The following RIC8B variants were observed in gnomAD, a reference collection of about 807,000 sequenced individuals.
RIC8B encodes RIC8 guanine nucleotide exchange factor B.
RIC8B carries 16 observed loss-of-function variants against 57.5 expected under a neutral mutation model. The ratio of observed to expected loss-of-function variants is 0.28; its 90% CI spans 0.19 to 0.42. The LOEUF (loss-of-function observed/expected upper bound fraction) is 0.42. Ranked by LOEUF, RIC8B falls within the 10% of genes least tolerant of loss-of-function variation. RIC8B has a pLI of 1.00. For synonymous variants in RIC8B, 216 were observed against 250.8 expected, an observed-to-expected ratio of 0.86 and a Z score of 1.31; for missense variants, 481 against 677.0, an observed-to-expected ratio of 0.71 and a Z score of 3.21.
At chr12:106,813,142 C>G (rs1368556213) in intron 2 of RIC8B, among the ~76,000 whole-genome samples, 2 of 145,888 alleles carry the variant, frequency 1.4e-5, no homozygotes, top group Admixed American at 1.4e-4. Context: ...GTGATGTCTT[C>G]AAGTATACAG....
At chr12:106,869,226 C>A (rs1950281993) in intron 8 of RIC8B, among the ~76,000 whole-genome samples, 1 of 152,104 alleles carries the variant, frequency 6.6e-6, no homozygotes, top group Non-Finnish European at 1.5e-5. Context: ...GCACTGAGTC[C>A]TTCCATAAGA....
At chr12:106,791,128 C>G (rs145910229) in intron 2 of RIC8B, among the ~76,000 whole-genome samples, 1 of 152,266 alleles carries the variant, frequency 6.6e-6, no homozygotes, top group Non-Finnish European at 1.5e-5. Context: ...GAATCCCAAG[C>G]ACAGCTCATG....
intron 8 of RIC8B, among the ~76,000 whole-genome samples, chr12:106,866,667 G>C (rs562134413): frequency 6.6e-6 from 1 of 151,676 alleles, no homozygotes; most frequent in South Asian, 2.1e-4. Flanking sequence ...TTGGTTTGTG[G>C]TTTTGCTTGT....
At chr12:106,810,890 G>C (rs2045307277) in intron 2 of RIC8B, among the ~76,000 whole-genome samples, 1 of 152,172 alleles carries the variant, frequency 6.6e-6, no homozygotes, top group Admixed American at 6.5e-5. Context: ...TTTAATTCTT[G>C]CAGTAAATGA....
At chr12:106,843,691 C>T (rs572328207) in intron 5 of RIC8B, among the ~76,000 whole-genome samples, 161 bp from the exon 6 acceptor site, 31 of 134,322 alleles carry the variant, frequency 2.3e-4, no homozygotes, top group Non-Finnish European at 3.5e-4. Flanking sequence ...CGCTGCACTC[C>T]AGCCTGGGCA....
intron 8 of RIC8B, among the ~76,000 whole-genome samples, chr12:106,866,183 T>C (rs1032841320): frequency 4.6e-5 from 7 of 151,462 alleles, no homozygotes; most frequent in Non-Finnish European, 5.9e-5. Context: ...TGTTTTTTTG[T>C]TTTTTGGTCT....
intron 2 of RIC8B, among the ~76,000 whole-genome samples, chr12:106,787,652 A>C (rs1171881845): frequency 1.3e-5 from 2 of 152,112 alleles, no homozygotes; most frequent in Non-Finnish European, 2.9e-5. Context: ...CAAGAGAGAA[A>C]AATGAGGAAG....
intron 9 of RIC8B, among the ~76,000 whole-genome samples, chr12:106,882,690 C>T (rs1190127371): frequency 2.0e-5 from 3 of 152,116 alleles, no homozygotes; most frequent in Non-Finnish European, 2.9e-5. Context: ...ACATTGCTGC[C>T]TTAATTCATT....
intron 8 of RIC8B, 110 bp from the exon 9 acceptor site, chr12:106,870,713 A>AT: frequency 1.2e-6 from 1 of 808,796 alleles, no homozygotes; most frequent in Non-Finnish European, 1.8e-6. Flanking sequence ...ATTATTGCCA[A>AT]TTTTTTGGCT....
chr12:106,871,506 A>T (rs1044903039), intron 9 of RIC8B: 3 of 146,910 alleles, frequency 2.0e-5, no homozygotes, highest in African/African-American at 7.8e-5. Context: ...AAACCAAAAA[A>T]CTCCCCTTCC....
chr12:106,879,333 T>C lies in RIC8B; in HGVS notation c.1572-6571T>C. The C allele has an allele frequency of 1.0e-6, 1 of 985,384 alleles. No individual in the cohort carries two copies. The highest frequency in any genetic ancestry group is 1.7e-5 in the African/African-American group (1 of 57,354). 61.0% of individuals were successfully genotyped at this position (985,384 alleles called of 1,614,324 possible). ...ATACACATACACGTCTGACCTATTC[T>C]ATATTGTGCGATTGGGTATGTTAGT... On this transcript the variant is annotated intron_variant, in intron 9 of 9. Coordinates refer to ENST00000392837, the MANE Select transcript of RIC8B (RefSeq NM_001330145.2). The surrounding 1 kb of genome is among the most constrained non-coding windows in gnomAD (Gnocchi z 4.9).
intron 7 of RIC8B, among the ~76,000 whole-genome samples, chr12:106,856,201 C>T (rs562648680): frequency 6.6e-6 from 1 of 152,298 alleles, no homozygotes; most frequent in Admixed American, 6.5e-5. Context: ...ATTAAAATAT[C>T]TCATCTCTCT....
chr12:106,778,015 G>A (rs2043571079), intron 1 of RIC8B, among the ~76,000 whole-genome samples: 2 of 152,140 alleles, frequency 1.3e-5, no homozygotes, highest in South Asian at 4.1e-4. Context: ...GATAATAATA[G>A]TAACTATATC....
At chr12:106,880,031 A>C (rs1468487388) in intron 9 of RIC8B, 1 of 840,650 alleles carries the variant, frequency 1.2e-6, no homozygotes. Context: ...TTACCATGAT[A>C]TACATGTATC....
chr12:106,791,264 T>G (rs976123737), intron 2 of RIC8B, among the ~76,000 whole-genome samples: 2 of 152,232 alleles, frequency 1.3e-5, no homozygotes, highest in Non-Finnish European at 2.9e-5. Flanking sequence ...GCCACCTGTA[T>G]AGTTATTACT....
At chr12:106,829,375 A>G (rs1425992005) in intron 4 of RIC8B, among the ~76,000 whole-genome samples, 3 of 152,202 alleles carry the variant, frequency 2.0e-5, no homozygotes, top group Non-Finnish European at 4.4e-5. Flanking sequence ...AGGATGGCCT[A>G]TATGCTGATG....
chr12:106,809,315 G>A (rs2045218181), intron 2 of RIC8B, among the ~76,000 whole-genome samples: 2 of 152,138 alleles, frequency 1.3e-5, no homozygotes, highest in Non-Finnish European at 2.9e-5. Flanking sequence ...CCTGAGGTCA[G>A]GAGTTTGAGA....
chr12:106,786,362 G>A (rs969990538), intron 2 of RIC8B, among the ~76,000 whole-genome samples: 7 of 151,898 alleles, frequency 4.6e-5, no homozygotes, highest in Non-Finnish European at 1.0e-4. Flanking sequence ...TGTTAGCCAG[G>A]ATGGTCTCAA....
chr12:106,781,598 G>C (rs555998655), intron 1 of RIC8B, among the ~76,000 whole-genome samples: 42 of 152,248 alleles, frequency 2.8e-4, no homozygotes, highest in African/African-American at 9.6e-4. Flanking sequence ...AAGAGCAACA[G>C]AATAATTAGA....
Sources: allele counts gnomAD v4.1 joint callset (sites outside exome capture counted in the v4.1 genomes callset), GRCh38; gene constraint gnomAD v4.1.1; non-coding constraint Gnocchi (gnomAD v3.1); transcripts MANE v1.5; gene names NCBI Gene and HGNC (gene_info 2026-07-23, HGNC 2026-07-21).